The following SHISA2 variants were observed in gnomAD, a reference collection of about 807,000 sequenced individuals.
The protein encoded by SHISA2 is protein shisa-2 homolog.
In SHISA2, 16 loss-of-function variants were observed where a neutral mutation model predicts 23.8. The ratio of observed to expected loss-of-function variants is 0.67; its 90% CI spans 0.46 to 1.02. The LOEUF (loss-of-function observed/expected upper bound fraction) is 1.02, where lower values mean the gene tolerates loss of function less well. Ranked by LOEUF, SHISA2 falls within the 50% of genes least tolerant of loss-of-function variation. SHISA2 has a pLI of 0.00. For synonymous variants in SHISA2, 201 were observed against 178.6 expected (o/e 1.13, Z -1.00); for missense variants, 459 against 420.1 (o/e 1.09, Z -0.81).
In SHISA2 at chr13:26,045,268, T is replaced by C. The variant is rs1416814973; in HGVS notation, c.*1245A>G. 2 of 152,158 alleles carry C rather than the reference T, an allele frequency of 1.3e-5. No individual in the cohort carries two copies. Among genetic ancestry groups the C allele is most frequent in the African/African-American group, 4.8e-5 (2 of 41,424 alleles). 9.4% of individuals were successfully genotyped at this position (152,158 alleles called of 1,614,324 possible). ...TAGTAATTACTTGCACTCAGGACTA[T>C]ATAGACATGGGGCTCTGAAAACCAA... is the stretch of plus-strand genomic sequence containing the variant. On this transcript the variant is annotated 3_prime_UTR_variant, in exon 2 of 2. Coordinates refer to ENST00000319420, the MANE Select transcript of SHISA2 (RefSeq NM_001007538.2).
rs76381054 is a variant in SHISA2 at position 26,046,755 on chromosome 13, C to T, written c.646G>A (p.Val216Met). Reference sequence around the variant, plus strand: ...AAATTCGTGGGCATGTTGACATACACGTTGTTCATGGTCCCTTCCGGCAAG... The same window carrying T: ...AAATTCGTGGGCATGTTGACATACATGTTGTTCATGGTCCCTTCCGGCAAG... Reference protein sequence around the residue: ...CCLPEGTMNNVYVNMPTNFSV... With the variant: ...CCLPEGTMNNMYVNMPTNFSV... The change falls in exon 2 of 2, where the codon GTG becomes ATG. Residue 216 changes from valine (V) to methionine (M), a missense_variant. Physicochemically the swap from Val to Met is conservative, Grantham distance 21. Transcript: ENST00000319420. The T allele has an allele frequency of 6.1e-4, 987 of 1,614,214 alleles. 8 individuals carry two copies. In the African/African-American group the frequency reaches 9.1e-3, roughly 15 times the overall value.
intron 1 of SHISA2, 56 bp from the exon 2 acceptor site, chr13:26,047,122 A>G: frequency 6.8e-7 from 1 of 1,473,084 alleles, no homozygotes; most frequent in South Asian, 1.4e-5. Flanking sequence ...CACAGTACCA[A>G]TCGCCAACTG....
chr13:26,050,977 G>A lies in SHISA2; in HGVS notation c.-2C>T. 1 of 1,500,894 alleles carries A rather than the reference G, an allele frequency of 6.7e-7. No homozygotes were observed. The allele number at this position is 1,500,894 out of a possible 1,614,324, so 93.0% of individuals were successfully genotyped here. A position where few individuals can be genotyped will look rare whatever the true frequency, so the allele number is the denominator to read the frequency against. On this transcript the variant is annotated 5_prime_UTR_variant, in exon 1 of 2. Coordinates refer to ENST00000319420, the MANE Select transcript of SHISA2 (RefSeq NM_001007538.2). Reference sequence around the variant, plus strand: ...GGACGAGCGGCGAGCGCCCCACATGGCACCACCCTGGGCGCGGACAGCGCG... The same window carrying A: ...GGACGAGCGGCGAGCGCCCCACATGACACCACCCTGGGCGCGGACAGCGCG...
rs118092562 is a variant in SHISA2, at chr13:26,050,492, C to T, written c.334+150G>A. On this transcript the variant is annotated intron_variant, in intron 1 of 1. Transcript: ENST00000319420. ...GAGGCCCGTGAGGGTGAATTAGGGACCCACACCGACCAAATAATAAGCCAG... is the reference window on the plus strand; with the variant it reads ...GAGGCCCGTGAGGGTGAATTAGGGATCCACACCGACCAAATAATAAGCCAG... The T allele has an allele frequency of 1.5e-4, 116 of 778,906 alleles. 1 individual carries two copies. The highest frequency in any genetic ancestry group is 4.4e-4 in the East Asian group (13 of 29,656). The allele number at this position is 778,906 out of a possible 1,614,324, so 48.2% of individuals were successfully genotyped here.
rs936505021 is a variant in SHISA2, at chr13:26,045,702, A to T, written c.*811T>A. The T allele has an allele frequency of 2.0e-5, 3 of 152,092 alleles. No individual in the cohort carries two copies. The highest frequency in any genetic ancestry group is 7.2e-5 in the African/African-American group (3 of 41,400). The allele number at this position is 152,092 out of a possible 1,614,324, so 9.4% of individuals were successfully genotyped here. On this transcript the variant is annotated 3_prime_UTR_variant, in exon 2 of 2. Transcript: ENST00000319420. ...TGCCTGTGGAATACTGAGACTGATG[A>T]CTGATCTCACAGAGTTCAAACAGGT...
chr13:26,045,409 A>G lies in SHISA2; in HGVS notation c.*1104T>C, dbSNP rs12100154. Reference sequence around the variant, plus strand: ...AAGAATGCATTACCTCTCAGATGTCACCTTAAAGCCAGAAAATTAAGATAC... The same window carrying G: ...AAGAATGCATTACCTCTCAGATGTCGCCTTAAAGCCAGAAAATTAAGATAC... On this transcript the variant is annotated 3_prime_UTR_variant, in exon 2 of 2. Coordinates refer to ENST00000319420, the MANE Select transcript of SHISA2 (RefSeq NM_001007538.2). The G allele has an allele frequency of 0.47, 71,128 of 152,012 alleles. 18,985 individuals carry two copies. Among genetic ancestry groups the G allele is most frequent in the Non-Finnish European group, 0.61 (41,711 of 67,948 alleles). The allele number at this position is 152,012 out of a possible 1,614,324, so 9.4% of individuals were successfully genotyped here. A position where few individuals can be genotyped will look rare whatever the true frequency, so the allele number is the denominator to read the frequency against.
chr13:26,047,169 A>G (rs1253816624), intron 1 of SHISA2, 103 bp from the exon 2 acceptor site: 20 of 1,220,758 alleles, frequency 1.6e-5, no homozygotes, highest in Non-Finnish European at 2.2e-5. Context: ...ACTGATACCC[A>G]CAGCTGAAGG....
At position 26,046,532 on chromosome 13, in the gene SHISA2, T is replaced by A; in HGVS notation, c.869A>T (p.Tyr290Phe). Residue 290 changes from tyrosine to phenylalanine, a missense_variant, in exon 2 of 2, where the codon TAC becomes TTC. Physicochemically the swap from Tyr to Phe is conservative, Grantham distance 22 (BLOSUM62 3). Coordinates refer to ENST00000319420, the MANE Select transcript of SHISA2 (RefSeq NM_001007538.2). Reference protein sequence around the residue: ...FPHTNSEQKMYPAVTV With the variant: ...FPHTNSEQKMFPAVTV Reference sequence around the variant, plus strand: ...TCTCGGTTATACAGTCACCGCTGGGTACATCTTCTGTTCACTGTTGGTGTG... The same window carrying A: ...TCTCGGTTATACAGTCACCGCTGGGAACATCTTCTGTTCACTGTTGGTGTG... 6.2e-7 allele frequency: 1 copy of A among 1,609,608 alleles called. No homozygotes were observed. The highest frequency in any genetic ancestry group is 1.1e-5 in the South Asian group (1 of 90,174).
chr13:26,048,047 A>C (rs1438682051), intron 1 of SHISA2, among the ~76,000 whole-genome samples: 1 of 152,232 alleles, frequency 6.6e-6, no homozygotes, highest in East Asian at 1.9e-4. Flanking sequence ...TCACGCCTGT[A>C]ATCCAAGCAC....
chr13:26,050,020 G>GA (rs111354107), intron 1 of SHISA2, among the ~76,000 whole-genome samples: 32,183 of 149,800 alleles, frequency 0.21, 3,518 homozygotes, highest in South Asian at 0.35. Flanking sequence ...CAATTTGAAA[G>GA]AAAAAAAAAA....
intron 1 of SHISA2, among the ~76,000 whole-genome samples, chr13:26,048,146 C>T (rs1466734524): frequency 6.6e-6 from 1 of 151,796 alleles, no homozygotes; most frequent in South Asian, 2.1e-4. Flanking sequence ...CTACTAAAAC[C>T]ACAAAATTTA....
At chr13:26,049,738 C>G (rs1957287977) in intron 1 of SHISA2, among the ~76,000 whole-genome samples, 1 of 152,032 alleles carries the variant, frequency 6.6e-6, no homozygotes, top group Non-Finnish European at 1.5e-5. Flanking sequence ...CAGCCCGAAC[C>G]CAGGCTCAGG....
At chr13:26,048,358 T>C (rs998199531) in intron 1 of SHISA2, among the ~76,000 whole-genome samples, 2 of 152,094 alleles carry the variant, frequency 1.3e-5, no homozygotes, top group Admixed American at 6.5e-5. Flanking sequence ...TTAGGAGCCA[T>C]AGAGAGGGCA....
At chr13:26,050,151 G>C (rs1426352478) in intron 1 of SHISA2, among the ~76,000 whole-genome samples, 3 of 152,218 alleles carry the variant, frequency 2.0e-5, no homozygotes, top group Non-Finnish European at 4.4e-5. Flanking sequence ...AGGGGCCGCC[G>C]CGTGGAGAAG....
chr13:26,045,262 G>A lies in SHISA2; in HGVS notation c.*1251C>T, dbSNP rs977948396. On this transcript the variant is annotated 3_prime_UTR_variant, in exon 2 of 2. Transcript: ENST00000319420. ...CAAGTATAGTAATTACTTGCACTCA[G>A]GACTATATAGACATGGGGCTCTGAA... 1 of 152,048 alleles carries A rather than the reference G, an allele frequency of 6.6e-6. No individual in the cohort carries two copies. The highest frequency in any genetic ancestry group is 1.5e-5 in the Non-Finnish European group (1 of 68,022). The allele number at this position is 152,048 out of a possible 1,614,324, so 9.4% of individuals were successfully genotyped here.
chr13:26,046,545 C>G lies in SHISA2; in HGVS notation c.856G>C (p.Glu286Gln), dbSNP rs1957268707. The G allele has an allele frequency of 8.1e-6, 13 of 1,612,326 alleles. No individual in the cohort carries two copies. The highest frequency in any genetic ancestry group is 8.5e-6 in the Non-Finnish European group (10 of 1,179,152). Residue 286 changes from glutamate to glutamine, a missense_variant, in exon 2 of 2, where the codon GAA becomes CAA. Physicochemically the swap from Glu to Gln is conservative, Grantham distance 29 (BLOSUM62 2). Coordinates refer to ENST00000319420, the MANE Select transcript of SHISA2 (RefSeq NM_001007538.2). ...IQSPFPHTNS[E>Q]QKMYPAVTV is the part of the protein sequence containing the mutation. ...GTCACCGCTGGGTACATCTTCTGTTCACTGTTGGTGTGAGGGAAGGGGGAC... is the reference window on the plus strand; with the variant it reads ...GTCACCGCTGGGTACATCTTCTGTTGACTGTTGGTGTGAGGGAAGGGGGAC...
intron 1 of SHISA2, among the ~76,000 whole-genome samples, chr13:26,049,293 G>T (rs996242785): frequency 2.0e-5 from 3 of 152,190 alleles, no homozygotes; most frequent in African/African-American, 4.8e-5. Context: ...CTTCACTGCA[G>T]AAGAAAAGTG....
At position 26,046,350 on chromosome 13, in the gene SHISA2, C is replaced by G. The variant is rs950340089; in HGVS notation, c.*163G>C. 29 of 726,404 alleles carry G rather than the reference C, an allele frequency of 4.0e-5. No individual in the cohort carries two copies. The highest frequency in any genetic ancestry group is 6.1e-5 in the Non-Finnish European group (28 of 460,386). 45.0% of individuals were successfully genotyped at this position (726,404 alleles called of 1,614,324 possible). A position where few individuals can be genotyped will look rare whatever the true frequency, so the allele number is the denominator to read the frequency against. On this transcript the variant is annotated 3_prime_UTR_variant, in exon 2 of 2. Transcript: ENST00000319420. ...CAATGATACCCTGGATGAAACATAT[C>G]CAGAAATGCTAATTCGGAGATGTTT...
In SHISA2 at chr13:26,046,997, A is replaced by G. The variant is rs923014175; in HGVS notation, c.404T>C (p.Val135Ala). 2.0e-5 allele frequency: 32 copies of G among 1,594,008 alleles called. No individual in the cohort carries two copies. The highest frequency in any genetic ancestry group is 2.7e-5 in the Non-Finnish European group (31 of 1,168,400). ...FVAFIILGSL[V>A]AACCCRCLRP... Reference sequence around the variant, plus strand: ...GAGACATCTGCAGCAACAGGCTGCCACCAGGGACCCCAAGATGATAAAGGC... The same window carrying G: ...GAGACATCTGCAGCAACAGGCTGCCGCCAGGGACCCCAAGATGATAAAGGC... Residue 135 changes from valine (V) to alanine (A), a missense_variant, in exon 2 of 2, where the codon GTG (valine) becomes GCG (alanine). By Grantham distance (64) the Val-to-Ala change is moderately conservative. Coordinates refer to ENST00000319420, the MANE Select transcript of SHISA2 (RefSeq NM_001007538.2).
Sources: allele counts gnomAD v4.1 joint callset (sites outside exome capture counted in the v4.1 genomes callset), GRCh38; gene constraint gnomAD v4.1.1; transcripts MANE v1.5; gene names NCBI Gene and HGNC (gene_info 2026-07-23, HGNC 2026-07-21).